Variants in AOPEP observed in about 807,000 individuals in gnomAD.
AOPEP encodes the protein aminopeptidase O (putative), also known as aminopeptidase O.
A neutral mutation model predicts 98.1 loss-of-function variants in AOPEP; 77 were observed. That is an observed-to-expected ratio of 0.78 (90% CI 0.65 to 0.95). The LOEUF (loss-of-function observed/expected upper bound fraction) is 0.95, where lower values mean the gene tolerates loss of function less well. AOPEP is among the 40% of genes least tolerant of loss of function. The probability of loss-of-function intolerance (pLI) is 0.00; values close to 1 mark genes in which losing one functional copy is unlikely to be tolerated. For missense variants in AOPEP, 1,024 were observed against 1,024.7 expected (o/e 1.00, Z 0.01); for synonymous variants, 346 against 365.3 (o/e 0.95, Z 0.60).
Position 95,005,236 on chromosome 9 carries a change from G to C in AOPEP, c.2040+16G>C, listed in dbSNP as rs1016968525. ...GCGCGCCGAGGTGAGTGCGGGCGGCGCGGTCCCTGCGCCCCGGTGGCGCCG... is the reference window on the plus strand; with the variant it reads ...GCGCGCCGAGGTGAGTGCGGGCGGCCCGGTCCCTGCGCCCCGGTGGCGCCG... On this transcript the variant is annotated intron_variant, in intron 12 of 16. Coordinates refer to ENST00000375315, the MANE Select transcript of AOPEP (RefSeq NM_001193329.3). The C allele has an allele frequency of 8.3e-6, 9 of 1,084,462 alleles. No individual in the cohort carries two copies. Among genetic ancestry groups the C allele is most frequent in the Non-Finnish European group, 1.0e-5 (9 of 893,330 alleles). The allele number at this position is 1,084,462 out of a possible 1,614,324, so 67.2% of individuals were successfully genotyped here. A position where few individuals can be genotyped will look rare whatever the true frequency, so the allele number is the denominator to read the frequency against.
At chr9:95,102,420 G>GT in the AOPEP span, among the ~76,000 whole-genome samples, 2 of 152,210 alleles carry the variant, frequency 1.3e-5, no homozygotes, top group African/African-American at 4.8e-5. Flanking sequence ...GTTGGTGCCT[G>GT]TAAGTATTTT....
At chr9:95,150,124 G>A in the AOPEP span, 2 of 1,610,648 alleles carry the variant, frequency 1.2e-6, no homozygotes, top group African/African-American at 1.3e-5. Context: ...TCAAATCTAA[G>A]AGCCATGCAT....
chr9:94,745,694 G>A (rs1174775058), intron 1 of AOPEP, among the ~76,000 whole-genome samples: 2 of 152,150 alleles, frequency 1.3e-5, no homozygotes, highest in Non-Finnish European at 2.9e-5. Flanking sequence ...GCAAATGACA[G>A]GATCTTATTC....
chr9:94,932,945 A>T lies in AOPEP; in HGVS notation c.1661+4414A>T, dbSNP rs560411700. On this transcript the variant is annotated intron_variant, in intron 7 of 16. Coordinates refer to ENST00000375315, the MANE Select transcript of AOPEP (RefSeq NM_001193329.3). ...TAATGTGGCTACAGGCTTCTGAGGC[A>T]AGACGATTTGCTCAGTTTCAAAATG... 1.2e-5 allele frequency: 12 copies of T among 985,404 alleles called. 1 individual carries two copies. The South Asian group carries it at 5.2e-4, about 42-fold the overall frequency. The allele number at this position is 985,404 out of a possible 1,614,324, so 61.0% of individuals were successfully genotyped here.
At chr9:94,915,386 C>T (rs2052651214) in intron 5 of AOPEP, among the ~76,000 whole-genome samples, 1 of 152,186 alleles carries the variant, frequency 6.6e-6, no homozygotes. Flanking sequence ...TTTCCTGGAT[C>T]TAACTTTGAT....
At chr9:94,861,717 T>C (rs899225196) in intron 5 of AOPEP, among the ~76,000 whole-genome samples, 12 of 152,324 alleles carry the variant, frequency 7.9e-5, no homozygotes, top group Admixed American at 2.6e-4. Flanking sequence ...CAACCCCCGA[T>C]ATAAAACCAC....
intron 2 of AOPEP, among the ~76,000 whole-genome samples, chr9:94,771,867 A>T (rs535486779): frequency 6.6e-6 from 1 of 152,018 alleles, no homozygotes; most frequent in East Asian, 1.9e-4. Flanking sequence ...GGGTTGTCTT[A>T]CTGTCCTCTG....
intron 10 of AOPEP, among the ~76,000 whole-genome samples, chr9:94,974,852 C>T (rs1187673379): frequency 6.6e-6 from 1 of 152,214 alleles, no homozygotes; most frequent in Non-Finnish European, 1.5e-5. Context: ...AGGTTCAAAT[C>T]CCAGCTCTTC....
chr9:95,075,487 C>T (rs915864745), intron 14 of AOPEP, among the ~76,000 whole-genome samples: 1 of 152,006 alleles, frequency 6.6e-6, no homozygotes, highest in African/African-American at 2.4e-5. Flanking sequence ...TCCTAGTACT[C>T]AAAAACACTC....
chr9:95,107,727 G>A, the AOPEP span, among the ~76,000 whole-genome samples: 2 of 152,104 alleles, frequency 1.3e-5, no homozygotes, highest in African/African-American at 2.4e-5. Context: ...GTCAGGGCGG[G>A]GGGTCGGGGG....
intron 5 of AOPEP, among the ~76,000 whole-genome samples, chr9:94,802,588 A>G (rs910948767): frequency 6.6e-6 from 1 of 152,248 alleles, no homozygotes; most frequent in African/African-American, 2.4e-5. Flanking sequence ...CTGTATTTTT[A>G]GAGTGGCAAG....
At position 94,932,307 on chromosome 9, in the gene AOPEP, C is replaced by T. The variant is rs1166314329; in HGVS notation, c.1661+3776C>T. 6 of 982,570 alleles carry T rather than the reference C, an allele frequency of 6.1e-6. No individual in the cohort carries two copies. In the Admixed American group the frequency reaches 3.7e-4, roughly 60 times the overall value. 60.9% of individuals were successfully genotyped at this position (982,570 alleles called of 1,614,324 possible). A position where few individuals can be genotyped will look rare whatever the true frequency, so the allele number is the denominator to read the frequency against. On this transcript the variant is annotated intron_variant, in intron 7 of 16. Coordinates refer to ENST00000375315, the MANE Select transcript of AOPEP (RefSeq NM_001193329.3). ...GAGAAAAAGGAACATTCAACATTCT[C>T]TTGGTTATAGATACTGGAGTATTAA...
intron 5 of AOPEP, among the ~76,000 whole-genome samples, chr9:94,916,471 G>A (rs1391742641): frequency 6.6e-6 from 1 of 152,204 alleles, no homozygotes; most frequent in East Asian, 1.9e-4. Context: ...TTGGGAGGCC[G>A]AGGCGGGCAG....
intron 7 of AOPEP, among the ~76,000 whole-genome samples, chr9:94,948,342 C>T (rs1050606115): frequency 1.3e-5 from 2 of 151,872 alleles, no homozygotes; most frequent in Admixed American, 1.3e-4. Context: ...GCATGCTCTC[C>T]ACCACATCCA....
chr9:94,763,664 T>C (rs1181893004), intron 2 of AOPEP, among the ~76,000 whole-genome samples: 1 of 152,192 alleles, frequency 6.6e-6, no homozygotes, highest in East Asian at 1.9e-4. Context: ...AAGATGAGTC[T>C]GGAGCATCTT....
chr9:94,991,801 C>G lies in AOPEP; in HGVS notation c.1977+12374C>G, dbSNP rs139867920. Among the ~76,000 whole-genome samples, 3 of 152,174 alleles carry G rather than the reference C, an allele frequency of 2.0e-5. No homozygotes were observed. In the East Asian group the frequency reaches 5.8e-4, roughly 29 times the overall value. ...ATTTCTAAACGGTAGCCCTATGTAT[C>G]TAGATGGAATATTTTGCATAGGAAA... On this transcript the variant is annotated intron_variant, in intron 11 of 16. Coordinates refer to ENST00000375315, the MANE Select transcript of AOPEP (RefSeq NM_001193329.3).
At chr9:94,956,916 G>T (rs891218863) in intron 9 of AOPEP, among the ~76,000 whole-genome samples, 1 of 152,154 alleles carries the variant, frequency 6.6e-6, no homozygotes, top group African/African-American at 2.4e-5. Context: ...TAACAAGACC[G>T]GATGGCTGTT....
intron 3 of AOPEP, among the ~76,000 whole-genome samples, chr9:94,784,856 A>T (rs984629321): frequency 6.6e-6 from 1 of 152,210 alleles, no homozygotes; most frequent in African/African-American, 2.4e-5. Context: ...ACCTCAGGTG[A>T]TCCTCTCGCC....
chr9:95,125,702 C>A, the AOPEP span, among the ~76,000 whole-genome samples: 1 of 152,176 alleles, frequency 6.6e-6, no homozygotes, highest in Non-Finnish European at 1.5e-5. Context: ...TAGCTTTAAA[C>A]CCCCAACACT....
Sources: allele counts gnomAD v4.1 joint callset (sites outside exome capture counted in the v4.1 genomes callset), GRCh38; gene constraint gnomAD v4.1.1; transcripts MANE v1.5; gene names NCBI Gene and HGNC (gene_info 2026-07-23, HGNC 2026-07-21).